Variants in SP2 observed in about 807,000 individuals in gnomAD.
The protein encoded by SP2 is transcription factor Sp2.
A neutral mutation model predicts 50.1 loss-of-function variants in SP2; 9 were observed. The observed-to-expected ratio is 0.18, with a 90% confidence interval of 0.11 to 0.31. The LOEUF (loss-of-function observed/expected upper bound fraction) is 0.31. SP2 is among the 10% of genes least tolerant of loss of function. The pLI is 1.00. For missense variants in SP2, 581 were observed against 806.5 expected (o/e 0.72, Z 3.39); for synonymous variants, 313 against 326.6 (o/e 0.96, Z 0.45).
In SP2 at chr17:47,923,223, A is replaced by G. The variant is rs1248713986; in HGVS notation, c.1321A>G (p.Ile441Val). Reference sequence around the variant, plus strand: ...TGCCCAGGCAATGCAGACCATCAACATCAATGGTGTCCAGGTCCAGGGCGT... The same window carrying G: ...TGCCCAGGCAATGCAGACCATCAACGTCAATGGTGTCCAGGTCCAGGGCGT... ...AAAQAMQTIN[I>V]NGVQVQGVPV... The change falls in exon 4 of 7, where the codon ATC (isoleucine) becomes GTC (valine). Residue 441 changes from isoleucine to valine, a missense_variant. Physicochemically the swap from Ile to Val is conservative, Grantham distance 29. This residue lies in a region of SP2 where 184 missense variants were observed against 315.5 expected (regional missense o/e 0.58). Transcript: ENST00000376741. 6.2e-7 allele frequency: 1 copy of G among 1,611,846 alleles called. No homozygotes were observed. The highest frequency in any genetic ancestry group is 1.1e-5 in the South Asian group (1 of 91,084).
chr17:47,930,142 G>T (rs993650155), downstream of SP2, among the ~76,000 whole-genome samples: 1 of 152,170 alleles, frequency 6.6e-6, no homozygotes, highest in Non-Finnish European at 1.5e-5. Context: ...CAGCCCCTCA[G>T]CTCTGCATCT....
chr17:47,929,076 C>T (rs902869957), downstream of SP2: 1 of 152,676 alleles, frequency 6.5e-6, no homozygotes, highest in African/African-American at 2.4e-5. Context: ...ACCTTGCCCT[C>T]CTGACCCTCG....
At chr17:47,905,329 C>T (rs2143819785) in intron 1 of SP2, among the ~76,000 whole-genome samples, 1 of 152,298 alleles carries the variant, frequency 6.6e-6, no homozygotes, top group African/African-American at 2.4e-5. Flanking sequence ...TACGGCCCAG[C>T]TGAGCTGACC....
intron 1 of SP2, among the ~76,000 whole-genome samples, chr17:47,900,950 T>C (rs2034514989): frequency 2.0e-5 from 3 of 152,188 alleles, no homozygotes; most frequent in African/African-American, 7.2e-5. Flanking sequence ...AAAAACTTGA[T>C]GCTGTTTCTT....
At chr17:47,904,262 CAAAAA>C (rs71366804) in intron 1 of SP2, among the ~76,000 whole-genome samples, 3 of 99,702 alleles carry the variant, frequency 3.0e-5, no homozygotes, top group African/African-American at 4.0e-5. Context: ...GACTCTGTCC[CAAAAA>C]AAAAAAAAAA....
rs372676777 is a variant in SP2 at position 47,912,850 on chromosome 17, T to TTTTG, written c.8-2438_8-2435dup. ...GGTTCTGCTTTCCCAATATGTATCCTTTTGTTTGTTTGTTTGTTTGTTTGT... is the reference window on the plus strand; with the variant it reads ...GGTTCTGCTTTCCCAATATGTATCCTTTTGTTTGTTTGTTTGTTTGTTTGTTTGT... On this transcript the variant is annotated intron_variant, in intron 1 of 6. Coordinates refer to ENST00000376741, the MANE Select transcript of SP2 (RefSeq NM_003110.6). Among the ~76,000 whole-genome samples, 1,447 of 151,856 alleles carry TTTTG rather than the reference T, an allele frequency of 9.5e-3. 11 individuals are homozygous for TTTTG. The highest frequency in any genetic ancestry group is 0.023 in the African/African-American group (959 of 41,440).
intron 3 of SP2, among the ~76,000 whole-genome samples, chr17:47,921,208 C>T (rs1306570137): frequency 6.6e-6 from 1 of 152,130 alleles, no homozygotes; most frequent in Non-Finnish European, 1.5e-5. Context: ...TTGTCTTCCT[C>T]CCCCATTTAT....
chr17:47,901,502 A>G (rs967632601), intron 1 of SP2, among the ~76,000 whole-genome samples: 1 of 152,142 alleles, frequency 6.6e-6, no homozygotes, highest in Non-Finnish European at 1.5e-5. Flanking sequence ...CTCTGTCACC[A>G]GGCTGGAGTG....
At chr17:47,903,747 G>T (rs2034639814) in intron 1 of SP2, among the ~76,000 whole-genome samples, 1 of 152,152 alleles carries the variant, frequency 6.6e-6, no homozygotes, top group Non-Finnish European at 1.5e-5. Context: ...GGATCACGAA[G>T]TCAGGAGATT....
chr17:47,897,299 A>C (rs191367719), intron 1 of SP2: 1 of 152,342 alleles, frequency 6.6e-6, no homozygotes, highest in African/African-American at 2.4e-5. Context: ...TCCTCACTGC[A>C]TTCCTTGGTT....
chr17:47,916,378 G>A lies in SP2; in HGVS notation c.307G>A (p.Ala103Thr), dbSNP rs1421127738. 1.1e-5 allele frequency: 18 copies of A among 1,613,926 alleles called. No individual in the cohort carries two copies. The highest frequency in any genetic ancestry group is 6.7e-5 in the East Asian group (3 of 44,898). Residue 103 changes from alanine to threonine, a missense_variant, in exon 3 of 7, where the codon GCC (alanine) becomes ACC (threonine). Physicochemically the swap from Ala to Thr is moderately conservative, Grantham distance 58. This residue lies in a region of SP2 where 397 missense variants were observed against 491.0 expected (regional missense o/e 0.81). Transcript: ENST00000376741. This position sits in a 1 kb window ranked among gnomAD's most constrained non-coding sequence, Gnocchi z 4.7. ...TCAGATTCAGGGGTCACAACTGAGC[G>A]CCTCCTATCCTGGAGGGCAGCTGGT... is the stretch of plus-strand genomic sequence containing the variant. ...ILQIQGSQLS[A>T]SYPGGQLVFA...
chr17:47,923,373 G>A, intron 4 of SP2, 99 bp downstream of exon 4: 3 of 983,676 alleles, frequency 3.0e-6, no homozygotes, highest in Non-Finnish European at 4.5e-6. Context: ...ACAATAGTGA[G>A]GATGCTGTCC....
chr17:47,931,077 C>T (rs1176002693), downstream of SP2, among the ~76,000 whole-genome samples: 1 of 152,170 alleles, frequency 6.6e-6, no homozygotes, highest in African/African-American at 2.4e-5. Context: ...CACAGTGGCT[C>T]ATGCCTGTAA....
At chr17:47,927,584 G>T in intron 6 of SP2, 140 bp from the exon 7 acceptor site, 26 of 496,016 alleles carry the variant, frequency 5.2e-5, no homozygotes, top group Admixed American at 6.4e-5. Context: ...GTGAGCAAAT[G>T]TGAGAGCAGG....
At chr17:47,920,851 TCA>T (rs1403825850) in intron 3 of SP2, among the ~76,000 whole-genome samples, 8 of 152,214 alleles carry the variant, frequency 5.3e-5, no homozygotes, top group Admixed American at 5.2e-4. Flanking sequence ...TTTAGTATAT[TCA>T]CAGAGTTGTG....
In SP2 at chr17:47,925,407, T is replaced by A. The variant is rs1417039653; in HGVS notation, c.1607T>A (p.Phe536Tyr). 2 of 1,614,188 alleles carry A rather than the reference T, an allele frequency of 1.2e-6. No individual in the cohort carries two copies. Among genetic ancestry groups the A allele is most frequent in the Non-Finnish European group, 1.7e-6 (2 of 1,180,034 alleles). ...CACATCCCCGACTGTGGCAAGACGT[T>A]CCGTAAGACGTCCTTGCTGCGTGCC... The part of the protein sequence containing the change: ...VCHIPDCGKT[F>Y]RKTSLLRAHV... Residue 536 changes from phenylalanine to tyrosine, a missense_variant, in exon 6 of 7, where the codon TTC (phenylalanine) becomes TAC (tyrosine). This residue lies in a region of SP2 where 184 missense variants were observed against 315.5 expected (regional missense o/e 0.58). Transcript: ENST00000376741.
rs141856390 is a variant in SP2, at chr17:47,919,825, C to CTTTTTTTTTTTTTTTTTTTTTT, written c.1059+2696_1059+2717dup. Reference sequence around the variant, plus strand: ...TTTGATCTGAAACACTTTGTCATTCCTTTTTTTTTTTTTTTTTTTTTTCTG... The same window carrying CTTTTTTTTTTTTTTTTTTTTTT: ...TTTGATCTGAAACACTTTGTCATTCCTTTTTTTTTTTTTTTTTTTTTTTTTTTTTTTTTTTTTTTTTTTTCTG... On this transcript the variant is annotated intron_variant, in intron 3 of 6. Coordinates refer to ENST00000376741, the MANE Select transcript of SP2 (RefSeq NM_003110.6). 2.4e-4 allele frequency among the ~76,000 whole-genome samples: 23 copies of CTTTTTTTTTTTTTTTTTTTTTT among 94,802 alleles called. 3 individuals are homozygous for CTTTTTTTTTTTTTTTTTTTTTT. Among genetic ancestry groups the CTTTTTTTTTTTTTTTTTTTTTT allele is most frequent in the East Asian group, 4.2e-4 (1 of 2,372 alleles). The allele number at this position is 94,802 out of a possible 152,430, so 62.2% of individuals were successfully genotyped here. A position where few individuals can be genotyped will look rare whatever the true frequency, so the allele number is the denominator to read the frequency against.
At position 47,922,987 on chromosome 17, in the gene SP2, A is replaced by T; in HGVS notation, c.1085A>T (p.Glu362Val). 1 of 1,613,184 alleles carries T rather than the reference A, an allele frequency of 6.2e-7. No homozygotes were observed. ...TQVYIRTPSGEVQTVLVQDSP... is the reference protein window; with the variant it reads ...TQVYIRTPSGVVQTVLVQDSP... ...GTCTACATCCGCACGCCTTCCGGTG[A>T]GGTGCAGACAGTCCTTGTCCAGGAC... The change falls in exon 4 of 7, where the codon GAG (glutamate) becomes GTG (valine). Residue 362 changes from glutamate (E) to valine (V), a missense_variant. By Grantham distance (121) the Glu-to-Val change is moderately radical (BLOSUM62 -2). Coordinates refer to ENST00000376741, the MANE Select transcript of SP2 (RefSeq NM_003110.6).
chr17:47,918,971 A>G (rs2035324602), intron 3 of SP2, among the ~76,000 whole-genome samples: 1 of 151,544 alleles, frequency 6.6e-6, no homozygotes, highest in Non-Finnish European at 1.5e-5. Context: ...GGCCCTTTAT[A>G]AAAAAAGCTT....
Sources: allele counts gnomAD v4.1 joint callset (sites outside exome capture counted in the v4.1 genomes callset), GRCh38; gene constraint gnomAD v4.1.1; regional missense constraint gnomAD v4.1.1; non-coding constraint Gnocchi (gnomAD v3.1); transcripts MANE v1.5; gene names NCBI Gene and HGNC (gene_info 2026-07-23, HGNC 2026-07-21).